The following PRKN variants were observed in gnomAD, a reference collection of about 807,000 sequenced individuals.
The protein encoded by PRKN is E3 ubiquitin-protein ligase parkin.
PRKN carries 56 observed loss-of-function variants against 59.5 expected under a neutral mutation model. The ratio of observed to expected loss-of-function variants is 0.94; its 90% CI spans 0.76 to 1.18. The LOEUF is 1.18. Ranked by LOEUF, PRKN falls within the 50% of genes most tolerant of loss-of-function variation. PRKN has a pLI of 0.00. For synonymous variants in PRKN, 250 were observed against 222.1 expected, an observed-to-expected ratio of 1.13 and a Z score of -1.12; for missense variants, 657 against 596.4, an observed-to-expected ratio of 1.10 and a Z score of -1.06.
intron 7 of PRKN, among the ~76,000 whole-genome samples, chr6:161,768,338 A>G (rs1430647192): frequency 3.3e-5 from 5 of 152,208 alleles, no homozygotes; most frequent in Admixed American, 3.3e-4. Context: ...GCGTGTGTAC[A>G]TTTTATATGT....
Position 161,379,309 on chromosome 6 carries a change from G to A in PRKN, c.1167+7485C>T, listed in dbSNP as rs1302567899. ...CTAGAGGTCTTCTCTAAGGGCGAGG[G>A]GAATCTAGAATGAGTAGGAGAGAAG... On this transcript the variant is annotated intron_variant, in intron 10 of 11. Coordinates refer to ENST00000366898, the MANE Select transcript of PRKN (RefSeq NM_004562.3). This position sits in a 1 kb window ranked among gnomAD's most constrained non-coding sequence, Gnocchi z 4.9. Among the ~76,000 whole-genome samples the A allele has an allele frequency of 2.0e-5, 3 of 152,156 alleles. No homozygotes were observed. Among genetic ancestry groups the A allele is most frequent in the African/African-American group, 7.2e-5 (3 of 41,418 alleles).
At position 161,391,536 on chromosome 6, in the gene PRKN, T is replaced by G. The variant is rs546379855; in HGVS notation, c.1084-4659A>C. The stretch of plus-strand genomic sequence containing the variant: ...AAAGTCTATTCCCTTATAGATTTGG[T>G]TAGAAGGCAATCAAACACATGGACT... On this transcript the variant is annotated intron_variant, in intron 9 of 11. Coordinates refer to ENST00000366898, the MANE Select transcript of PRKN (RefSeq NM_004562.3). This position sits in a 1 kb window ranked among gnomAD's most constrained non-coding sequence, Gnocchi z 4.9. 2.0e-5 allele frequency among the ~76,000 whole-genome samples: 3 copies of G among 152,094 alleles called. No homozygotes were observed. Among genetic ancestry groups the G allele is most frequent in the African/African-American group, 7.2e-5 (3 of 41,458 alleles).
At chr6:162,724,807 AT>A (rs1347697888) in intron 1 of PRKN, among the ~76,000 whole-genome samples, 1 of 152,148 alleles carries the variant, frequency 6.6e-6, no homozygotes, top group Non-Finnish European at 1.5e-5. Context: ...GTAACTAGTG[AT>A]TTCAAGTATT....
chr6:161,943,495 A>T (rs543019471), intron 6 of PRKN, among the ~76,000 whole-genome samples: 78 of 152,374 alleles, frequency 5.1e-4, no homozygotes, highest in South Asian at 4.8e-3. Context: ...TAACAGTTTA[A>T]TGCTATTTTC....
Position 161,377,042 on chromosome 6 carries a change from C to T in PRKN, c.1167+9752G>A, listed in dbSNP as rs557088739. ...AGGGCAGGGTCAGGCGGCATGCAAG[C>T]GCCCTGTCTCTGCGGCTGTGCACGC... On this transcript the variant is annotated intron_variant, in intron 10 of 11. Coordinates refer to ENST00000366898, the MANE Select transcript of PRKN (RefSeq NM_004562.3). The surrounding 1 kb of genome is among the most constrained non-coding windows in gnomAD (Gnocchi z 4.2). 3.3e-5 allele frequency among the ~76,000 whole-genome samples: 5 copies of T among 152,254 alleles called. No individual in the cohort carries two copies. The highest frequency in any genetic ancestry group is 1.3e-4 in the Admixed American group (2 of 15,284).
At chr6:161,939,587 T>C (rs978725211) in intron 6 of PRKN, among the ~76,000 whole-genome samples, 13 of 149,656 alleles carry the variant, frequency 8.7e-5, no homozygotes, top group Non-Finnish European at 1.5e-4. Context: ...CAAAAATTAG[T>C]CGGGTGTGGT....
Position 161,352,753 on chromosome 6 carries a change from G to A in PRKN, c.1286-2542C>T, listed in dbSNP as rs9456661. Among the ~76,000 whole-genome samples the A allele has an allele frequency of 1.7e-5, 2 of 118,134 alleles. No homozygotes were observed. The highest frequency in any genetic ancestry group is 3.7e-5 in the African/African-American group (1 of 26,686). 77.5% of individuals were successfully genotyped at this position (118,134 alleles called of 152,430 possible). A position where few individuals can be genotyped will look rare whatever the true frequency, so the allele number is the denominator to read the frequency against. On this transcript the variant is annotated intron_variant, in intron 11 of 11. Transcript: ENST00000366898. The surrounding 1 kb of genome is among the most constrained non-coding windows in gnomAD (Gnocchi z 5.8). The stretch of plus-strand genomic sequence containing the variant: ...TGTGTGTGTGTGTGTGTGTGTGTGT[G>A]TGTATATATATATATATATTTTATT...
At chr6:161,648,666 T>G (rs1206697466) in intron 7 of PRKN, among the ~76,000 whole-genome samples, 1 of 152,230 alleles carries the variant, frequency 6.6e-6, no homozygotes, top group Non-Finnish European at 1.5e-5. Flanking sequence ...GGCTTCTGTT[T>G]GCCTTTGTAA....
intron 4 of PRKN, among the ~76,000 whole-genome samples, chr6:162,171,804 C>T (rs73592383): frequency 0.019 from 2,889 of 152,196 alleles, 89 homozygotes; most frequent in East Asian, 0.11. Flanking sequence ...TATGTGTATA[C>T]TTGCTTATTT....
chr6:161,810,444 C>T (rs778228528), intron 6 of PRKN, among the ~76,000 whole-genome samples: 2 of 152,178 alleles, frequency 1.3e-5, no homozygotes, highest in African/African-American at 4.8e-5. Context: ...GACTGGAATT[C>T]TAGACTGATA....
rs1205681552 is a variant in PRKN at position 161,487,394 on chromosome 6, GGGC to G, written c.1083+61457_1083+61459del. On this transcript the variant is annotated intron_variant, in intron 9 of 11. Coordinates refer to ENST00000366898, the MANE Select transcript of PRKN (RefSeq NM_004562.3). The surrounding 1 kb of genome is among the most constrained non-coding windows in gnomAD (Gnocchi z 5.3). ...GAGCCAAGGCAAGGAAGACAGTCTGGGGCCTGTGGGATGGCAAAGGAATTTTCT... is the reference window on the plus strand; with the variant it reads ...GAGCCAAGGCAAGGAAGACAGTCTGGCTGTGGGATGGCAAAGGAATTTTCT... Among the ~76,000 whole-genome samples the G allele has an allele frequency of 1.3e-5, 2 of 152,138 alleles. No homozygotes were observed. The highest frequency in any genetic ancestry group is 2.9e-5 in the Non-Finnish European group (2 of 68,018).
chr6:161,723,293 A>G (rs910322108), intron 7 of PRKN, among the ~76,000 whole-genome samples: 1 of 152,082 alleles, frequency 6.6e-6, no homozygotes, highest in African/African-American at 2.4e-5. Flanking sequence ...GTGCATGTCT[A>G]CATGATTAAA....
intron 3 of PRKN, among the ~76,000 whole-genome samples, chr6:162,233,510 T>G (rs1372937611): frequency 6.6e-6 from 1 of 152,152 alleles, no homozygotes; most frequent in East Asian, 1.9e-4. Flanking sequence ...TGAAATACTG[T>G]GAAGCCATTA....
At chr6:162,342,963 T>C (rs558655164) in intron 2 of PRKN, among the ~76,000 whole-genome samples, 15 of 152,170 alleles carry the variant, frequency 9.9e-5, no homozygotes, top group Non-Finnish European at 1.3e-4. Context: ...GGTTTCTCTC[T>C]TGTGGCACTT....
In PRKN at chr6:162,602,119, C is replaced by T. The variant is rs958562636; in HGVS notation, c.7+125543G>A. 2.0e-5 allele frequency among the ~76,000 whole-genome samples: 3 copies of T among 152,130 alleles called. No homozygotes were observed. The South Asian group carries it at 6.2e-4, about 31-fold the overall frequency. ...CTAGGACGGGTATCCCCGCATGGTG[C>T]CCAGGGAGCGTGCAGGAGAGAGCAC... On this transcript the variant is annotated intron_variant, in intron 1 of 11. Transcript: ENST00000366898.
intron 9 of PRKN, among the ~76,000 whole-genome samples, chr6:161,439,879 G>T (rs1789115457): frequency 1.3e-5 from 2 of 152,128 alleles, no homozygotes; most frequent in Admixed American, 6.5e-5. Context: ...CTTGGTCAAG[G>T]TCGTCCCAGT....
At chr6:162,627,790 G>C (rs1421544720) in intron 1 of PRKN, among the ~76,000 whole-genome samples, 1 of 152,172 alleles carries the variant, frequency 6.6e-6, no homozygotes, top group Non-Finnish European at 1.5e-5. Flanking sequence ...AGCAACTAGA[G>C]ATGATCAGTG....
At chr6:162,268,428 A>G (rs1477443681) in intron 2 of PRKN, among the ~76,000 whole-genome samples, 1 of 152,198 alleles carries the variant, frequency 6.6e-6, no homozygotes, top group African/African-American at 2.4e-5. Context: ...ACTGAATACC[A>G]ACACCTTGAC....
intron 1 of PRKN, among the ~76,000 whole-genome samples, chr6:162,652,603 A>G (rs1778486615): frequency 6.6e-6 from 1 of 152,122 alleles, no homozygotes; most frequent in African/African-American, 2.4e-5. Flanking sequence ...TATATTTTAG[A>G]TTGCTTATTA....
Sources: allele counts gnomAD v4.1 joint callset (sites outside exome capture counted in the v4.1 genomes callset), GRCh38; gene constraint gnomAD v4.1.1; non-coding constraint Gnocchi (gnomAD v3.1); transcripts MANE v1.5; gene names NCBI Gene and HGNC (gene_info 2026-07-23, HGNC 2026-07-21).